ZMYND8: variants seen among roughly 807,000 people sequenced by gnomAD.
ZMYND8 encodes zinc finger MYND-type containing 8.
Under a neutral mutation model 140.8 loss-of-function variants are expected in ZMYND8, and 37 were observed. The ratio of observed to expected loss-of-function variants is 0.26; its 90% confidence interval spans 0.20 to 0.35. The LOEUF is 0.35. Ranked by LOEUF, ZMYND8 falls within the 10% of genes least tolerant of loss-of-function variation. The probability of loss-of-function intolerance (pLI) is 1.00; values close to 1 mark genes in which losing one functional copy is unlikely to be tolerated. For synonymous variants in ZMYND8, 592 were observed against 597.1 expected, an observed-to-expected ratio of 0.99 and a Z score of 0.12; for missense variants, 1,068 against 1,570.0, an observed-to-expected ratio of 0.68 and a Z score of 5.40.
At chr20:47,301,178 G>A (rs2078019322) in intron 3 of ZMYND8, among the ~76,000 whole-genome samples, 1 of 145,656 alleles carries the variant, frequency 6.9e-6, no homozygotes, top group Admixed American at 6.9e-5. Context: ...TTTTGAGATG[G>A]TGTTCCGCTC....
Position 47,229,722 on chromosome 20 carries a change from T to C in ZMYND8, c.2937+4A>G. 2 of 1,612,932 alleles carry C rather than the reference T, an allele frequency of 1.2e-6. No homozygotes were observed. Among genetic ancestry groups the C allele is most frequent in the Non-Finnish European group, 1.7e-6 (2 of 1,179,178 alleles). On this transcript the variant is annotated splice_donor_region_variant and intron_variant, in intron 17 of 22. Transcript: ENST00000471951. ...AAATAAGAAATTCATGTGTCATCTCTGACCTCAGCTATTGTGCTTCCAGTA... is the reference window on the plus strand; with the variant it reads ...AAATAAGAAATTCATGTGTCATCTCCGACCTCAGCTATTGTGCTTCCAGTA...
chr20:47,300,930 G>GTGTGTGTGTGTGTA lies in ZMYND8; in HGVS notation c.235-1984_235-1983insTACACACACACACA, dbSNP rs757554886. Among the ~76,000 whole-genome samples, 102 of 141,404 alleles carry GTGTGTGTGTGTGTA rather than the reference G, an allele frequency of 7.2e-4. 1 individual carries two copies. The highest frequency in any genetic ancestry group is 2.4e-3 in the African/African-American group (92 of 37,588). The allele number at this position is 141,404 out of a possible 152,430, so 92.8% of individuals were successfully genotyped here. On this transcript the variant is annotated intron_variant, in intron 3 of 22. Transcript: ENST00000471951. ...TGTGTGTGTGTGTGTGTGTGTGTGTGTGTGTTTTGTTTTGTTTTTTTTGTA... is the reference window on the plus strand; with the variant it reads ...TGTGTGTGTGTGTGTGTGTGTGTGTGTGTGTGTGTGTGTATGTGTTTTGTTTTGTTTTTTTTGTA...
intron 3 of ZMYND8, among the ~76,000 whole-genome samples, chr20:47,305,260 T>C (rs1261211310): frequency 1.3e-5 from 2 of 151,500 alleles, no homozygotes; most frequent in African/African-American, 4.8e-5. Context: ...TTTTTTCTTT[T>C]TTCTGAGACA....
At chr20:47,302,533 A>G (rs2078138405) in intron 3 of ZMYND8, among the ~76,000 whole-genome samples, 1 of 152,154 alleles carries the variant, frequency 6.6e-6, no homozygotes, top group Admixed American at 6.6e-5. Context: ...AAATATTCCA[A>G]ATTAAAAAAT....
chr20:47,324,234 T>G (rs2080216592), intron 2 of ZMYND8, among the ~76,000 whole-genome samples: 1 of 148,294 alleles, frequency 6.7e-6, no homozygotes, highest in Non-Finnish European at 1.5e-5. Context: ...TGCCAAACCT[T>G]TACCGGTCGT....
chr20:47,217,876 C>T lies in ZMYND8; in HGVS notation c.3484+2382G>A, dbSNP rs544570731. Among the ~76,000 whole-genome samples, 3 of 151,938 alleles carry T rather than the reference C, an allele frequency of 2.0e-5. No individual in the cohort carries two copies. In the East Asian group the frequency reaches 5.8e-4, roughly 29 times the overall value. On this transcript the variant is annotated intron_variant, in intron 21 of 22. Coordinates refer to ENST00000471951, the MANE Select transcript of ZMYND8 (RefSeq NM_001281775.3). ...TGCCCCTTCCTCCCCCTGCTCGCCCCCCTCTTCCCCCCACCATTTACTGGG... is the reference window on the plus strand; with the variant it reads ...TGCCCCTTCCTCCCCCTGCTCGCCCTCCTCTTCCCCCCACCATTTACTGGG...
At chr20:47,272,857 G>T (rs914911675) in intron 11 of ZMYND8, among the ~76,000 whole-genome samples, 4 of 152,152 alleles carry the variant, frequency 2.6e-5, no homozygotes, top group African/African-American at 9.7e-5. Flanking sequence ...CTATGACATG[G>T]CAATTATTTT....
intron 18 of ZMYND8, among the ~76,000 whole-genome samples, chr20:47,224,920 T>A (rs931482293): frequency 2.5e-4 from 33 of 129,726 alleles, no homozygotes; most frequent in African/African-American, 1.1e-3. Context: ...TTTTCCCCCC[T>A]ATCAATCAAA....
At chr20:47,213,267 C>A (rs987110861) in intron 21 of ZMYND8, among the ~76,000 whole-genome samples, 1 of 152,120 alleles carries the variant, frequency 6.6e-6, no homozygotes, top group Non-Finnish European at 1.5e-5. Flanking sequence ...AGCACACCAA[C>A]AAATCACCTC....
intron 12 of ZMYND8, among the ~76,000 whole-genome samples, chr20:47,250,586 T>C (rs1036712978): frequency 6.6e-6 from 1 of 152,208 alleles, no homozygotes; most frequent in African/African-American, 2.4e-5. Flanking sequence ...GCCACCTCCA[T>C]TCATTGGGCT....
intron 17 of ZMYND8, among the ~76,000 whole-genome samples, chr20:47,228,590 T>G (rs1464535286): frequency 6.6e-6 from 1 of 152,228 alleles, no homozygotes; most frequent in Non-Finnish European, 1.5e-5. Flanking sequence ...CAAAGCATAA[T>G]CATAAAGGTC....
At chr20:47,237,463 C>T (rs1028573260) in intron 15 of ZMYND8, 3 of 152,070 alleles carry the variant, frequency 2.0e-5, no homozygotes, top group African/African-American at 7.3e-5. Context: ...CGACCCTCTT[C>T]TTGGTAGCAA....
intron 10 of ZMYND8, among the ~76,000 whole-genome samples, chr20:47,279,804 T>C (rs569421879): frequency 7.5e-4 from 114 of 151,932 alleles, no homozygotes; most frequent in Admixed American, 1.8e-3. Flanking sequence ...ATATTTCCTA[T>C]ATTTTTACAT....
At chr20:47,219,304 C>A (rs1215924342) in intron 21 of ZMYND8, among the ~76,000 whole-genome samples, 1 of 151,804 alleles carries the variant, frequency 6.6e-6, no homozygotes, top group African/African-American at 2.4e-5. Context: ...GATCCGCCCA[C>A]CTCAGCCTCC....
At chr20:47,212,413 G>A (rs956879507) in intron 22 of ZMYND8, among the ~76,000 whole-genome samples, 1 of 152,194 alleles carries the variant, frequency 6.6e-6, no homozygotes, top group Non-Finnish European at 1.5e-5. Flanking sequence ...GAGCGAGGAC[G>A]ATCTCCATCA....
At chr20:47,289,767 C>A (rs2077141782) in intron 7 of ZMYND8, among the ~76,000 whole-genome samples, 1 of 152,198 alleles carries the variant, frequency 6.6e-6, no homozygotes, top group South Asian at 2.1e-4. Flanking sequence ...CAAAATTAAT[C>A]TATCCTAACA....
chr20:47,297,550 T>C (rs1174802137), intron 4 of ZMYND8, among the ~76,000 whole-genome samples: 1 of 152,096 alleles, frequency 6.6e-6, no homozygotes. Flanking sequence ...CCCTCCCAAG[T>C]AGCTGGGACT....
At chr20:47,324,239 G>A (rs73624613) in intron 2 of ZMYND8, among the ~76,000 whole-genome samples, 408 of 147,544 alleles carry the variant, frequency 2.8e-3, no homozygotes, top group African/African-American at 8.5e-3. Flanking sequence ...AACCTTTACC[G>A]GTCGTGGTGT....
At chr20:47,280,124 CAAAAA>C (rs72091806) in intron 10 of ZMYND8, among the ~76,000 whole-genome samples, 2 of 90,870 alleles carry the variant, frequency 2.2e-5, no homozygotes, top group African/African-American at 4.0e-5. Context: ...GACTCTGCTC[CAAAAA>C]AAAAAAAAAA....
Sources: allele counts gnomAD v4.1 joint callset (sites outside exome capture counted in the v4.1 genomes callset), GRCh38; gene constraint gnomAD v4.1.1; transcripts MANE v1.5; gene names NCBI Gene and HGNC (gene_info 2026-07-23, HGNC 2026-07-21).